ATP5F1C: variants seen among roughly 807,000 people sequenced by gnomAD.
ATP5F1C encodes the protein ATP synthase F(1) complex subunit gamma, mitochondrial.
Under a neutral mutation model 37.4 loss-of-function variants are expected in ATP5F1C, and 22 were observed. The ratio of observed to expected loss-of-function variants is 0.59; its 90% confidence interval spans 0.42 to 0.84. The LOEUF (loss-of-function observed/expected upper bound fraction) is 0.84, where lower values mean the gene tolerates loss of function less well. ATP5F1C is among the 40% of genes least tolerant of loss of function. The pLI, the probability that ATP5F1C is intolerant of heterozygous loss-of-function variation, is 0.00. For missense variants in ATP5F1C, 286 were observed against 362.4 expected (o/e 0.79, Z 1.71); for synonymous variants, 121 against 128.0 (o/e 0.95, Z 0.37).
Position 7,802,869 on chromosome 10 carries a change from A to G in ATP5F1C, c.890+15A>G. 1 of 1,604,704 alleles carries G rather than the reference A, an allele frequency of 6.2e-7. No homozygotes were observed. Among genetic ancestry groups the G allele is most frequent in the Middle Eastern group, 1.7e-4 (1 of 6,038 alleles). ...GCTGCAGCTCTGTGAGTAATTGTAG[A>G]TTGTCGCCTTCAGAGAATTTTTTTT... On this transcript the variant is annotated intron_variant, in intron 8 of 9. Coordinates refer to ENST00000356708, the MANE Select transcript of ATP5F1C (RefSeq NM_001001973.3).
At chr10:7,797,021 C>A (rs1460584782) in intron 2 of ATP5F1C, 26 bp from the exon 3 acceptor site, 34 of 1,610,050 alleles carry the variant, frequency 2.1e-5, no homozygotes, top group Non-Finnish European at 2.8e-5. Flanking sequence ...ATTCCTTTGT[C>A]TTAACACAGT....
At position 7,802,393 on chromosome 10, in the gene ATP5F1C, T is replaced by C. The variant is rs745685686; in HGVS notation, c.761T>C (p.Met254Thr). 2 of 1,613,888 alleles carry C rather than the reference T, an allele frequency of 1.2e-6. No individual in the cohort carries two copies. The highest frequency in any genetic ancestry group is 4.5e-5 in the East Asian group (2 of 44,886). ...ESTTSEQSAR[M>T]TAMDNASKNA... is the part of the protein sequence containing the mutation. ...ACCACTAGTGAGCAGAGTGCCAGGA[T>C]GACAGCCATGGACAATGCCAGCAAG... Residue 254 changes from methionine (M) to threonine (T), a missense_variant, in exon 7 of 10, where the codon ATG (methionine) becomes ACG (threonine). Physicochemically the swap from Met to Thr is moderately conservative, Grantham distance 81. Transcript: ENST00000356708.
At chr10:7,800,156 C>A in intron 6 of ATP5F1C, 65 bp downstream of exon 6, 2 of 1,445,624 alleles carry the variant, frequency 1.4e-6, no homozygotes, top group Non-Finnish European at 1.9e-6. Flanking sequence ...TACACTAAGG[C>A]AGACAGTGTC....
intron 8 of ATP5F1C, chr10:7,804,198 C>G (rs1489437818): frequency 5.8e-6 from 3 of 518,964 alleles, no homozygotes; most frequent in Non-Finnish European, 1.2e-5. Flanking sequence ...GTGCAGAATA[C>G]TTGCTGTGTG....
chr10:7,804,107 C>T (rs2131076735), intron 8 of ATP5F1C: 1 of 519,006 alleles, frequency 1.9e-6, no homozygotes, highest in Non-Finnish European at 3.8e-6. Flanking sequence ...GGTTGCTAAA[C>T]TGTGGCCTGG....
At chr10:7,799,683 G>A (rs972002532) in intron 4 of ATP5F1C, 89 bp from the exon 5 acceptor site, 2 of 1,482,564 alleles carry the variant, frequency 1.3e-6, no homozygotes, top group Non-Finnish European at 1.8e-6. Context: ...CCTGATCCAT[G>A]GTGACAATGT....
chr10:7,799,603 G>A, intron 4 of ATP5F1C, 169 bp from the exon 5 acceptor site: 1 of 693,364 alleles, frequency 1.4e-6, no homozygotes, highest in East Asian at 2.7e-5. Context: ...CTTTGCAGGT[G>A]CTGAAGGAAA....
intron 3 of ATP5F1C, among the ~76,000 whole-genome samples, chr10:7,798,034 T>A (rs1836274516): frequency 6.6e-6 from 1 of 152,200 alleles, no homozygotes; most frequent in Non-Finnish European, 1.5e-5. Context: ...TCTTAACTTT[T>A]TTATGATCAT....
At position 7,802,287 on chromosome 10, in the gene ATP5F1C, G is replaced by A; in HGVS notation, c.655G>A (p.Asp219Asn). Residue 219 changes from aspartate to asparagine, a missense_variant, in exon 7 of 10, where the codon GAC becomes AAC. Asp to Asn is a conservative substitution (Grantham distance 23, BLOSUM62 1). Coordinates refer to ENST00000356708, the MANE Select transcript of ATP5F1C (RefSeq NM_001001973.3). ...VASADSMSIY[D>N]DIDADVLQNY... The stretch of plus-strand genomic sequence containing the variant: ...TTTAACAGACAGCATGAGTATCTAT[G>A]ACGATATTGATGCTGACGTGCTGCA... 1 of 1,612,004 alleles carries A rather than the reference G, an allele frequency of 6.2e-7. No individual in the cohort carries two copies. The highest frequency in any genetic ancestry group is 8.5e-7 in the Non-Finnish European group (1 of 1,179,266).
At chr10:7,807,306 T>G (rs1836501561) in intron 9 of ATP5F1C, among the ~76,000 whole-genome samples, 4 of 152,202 alleles carry the variant, frequency 2.6e-5, no homozygotes, top group Admixed American at 2.6e-4. Context: ...CACTTTATGG[T>G]CTCTGGACCC....
Position 7,791,304 on chromosome 10 carries a change from C to CA in ATP5F1C, c.56+3052dup, listed in dbSNP as rs970577111. Reference sequence around the variant, plus strand: ...ACACAGTGAGACTCCATCTCAAAAACAAAAAAAAAAAGATGATGCAGTCAT... The same window carrying CA: ...ACACAGTGAGACTCCATCTCAAAAACAAAAAAAAAAAAGATGATGCAGTCAT... On this transcript the variant is annotated intron_variant, in intron 1 of 9. Coordinates refer to ENST00000356708, the MANE Select transcript of ATP5F1C (RefSeq NM_001001973.3). 6.0e-4 allele frequency among the ~76,000 whole-genome samples: 84 copies of CA among 139,182 alleles called. 1 individual carries two copies. The highest frequency in any genetic ancestry group is 1.2e-3 in the African/African-American group (46 of 37,950). 91.3% of individuals were successfully genotyped at this position (139,182 alleles called of 152,430 possible).
At chr10:7,800,531 G>T (rs1317402122) in intron 6 of ATP5F1C, among the ~76,000 whole-genome samples, 3 of 143,026 alleles carry the variant, frequency 2.1e-5, no homozygotes, top group African/African-American at 7.8e-5. Flanking sequence ...GTCTCACTGT[G>T]TCACCCAGGC....
intron 9 of ATP5F1C, 152 bp from the exon 10 acceptor site, chr10:7,807,507 A>T: frequency 1.2e-6 from 1 of 852,998 alleles, no homozygotes. Context: ...GGTTCCCCAG[A>T]CCAAAATTTT....
chr10:7,803,451 T>C (rs1473944295), intron 8 of ATP5F1C, among the ~76,000 whole-genome samples: 1 of 152,214 alleles, frequency 6.6e-6, no homozygotes, highest in Non-Finnish European at 1.5e-5. Flanking sequence ...TTTAATCATC[T>C]CTAGTTATAA....
rs1356570610 is a variant in ATP5F1C, at chr10:7,799,727, G to T, written c.429-45G>T. 4 of 1,601,348 alleles carry T rather than the reference G, an allele frequency of 2.5e-6. No individual in the cohort carries two copies. In the Admixed American group the frequency reaches 5.2e-5, roughly 21 times the overall value. ...GCCTGTCCCCTGTGCTCTTTCAGCA[G>T]AAATCTTATTAAACTAGCTATGTGA... On this transcript the variant is annotated intron_variant, in intron 4 of 9. Transcript: ENST00000356708.
intron 1 of ATP5F1C, among the ~76,000 whole-genome samples, chr10:7,790,450 G>A (rs936435082): frequency 1.3e-5 from 2 of 151,970 alleles, no homozygotes; most frequent in African/African-American, 4.8e-5. Flanking sequence ...AAAGAATCCC[G>A]GATTTTACTG....
At chr10:7,796,394 T>C in intron 2 of ATP5F1C, 1 of 346,432 alleles carries the variant, frequency 2.9e-6, no homozygotes, top group South Asian at 5.9e-5. Context: ...GAAAAAATTA[T>C]ACCAGTGTTG....
chr10:7,801,517 A>T (rs1432399538), intron 6 of ATP5F1C: 3 of 152,196 alleles, frequency 2.0e-5, no homozygotes, highest in Non-Finnish European at 4.4e-5. Context: ...TTCCAGATTG[A>T]TACATTCAGA....
chr10:7,800,273 G>C (rs547458524), intron 6 of ATP5F1C, among the ~76,000 whole-genome samples, 182 bp downstream of exon 6: 2 of 152,164 alleles, frequency 1.3e-5, no homozygotes, highest in African/African-American at 2.4e-5. Flanking sequence ...TCGGCTCACT[G>C]CAAGTTCCGC....
Sources: gnomAD v4.1 joint callset for allele counts (sites outside exome capture counted in the v4.1 genomes callset) on GRCh38, gnomAD v4.1.1 for gene constraint, MANE v1.5 for transcripts, NCBI Gene and HGNC (gene_info 2026-07-23, HGNC 2026-07-21) for gene names.